GSDMC: variants seen among roughly 807,000 people sequenced by gnomAD.
The protein encoded by GSDMC is gasdermin C.
Under a neutral mutation model 58.0 loss-of-function variants are expected in GSDMC, and 59 were observed. The ratio of observed to expected loss-of-function variants is 1.02; its 90% CI spans 0.82 to 1.26. GSDMC has a LOEUF of 1.26. GSDMC is among the 50% of genes most tolerant of loss of function. The pLI is 0.00. For missense variants in GSDMC, 659 were observed against 598.5 expected (o/e 1.10, Z -1.06); for synonymous variants, 241 against 220.2 (o/e 1.09, Z -0.83).
At chr8:129,747,401 C>T (rs1466904621), downstream of GSDMC, among the ~76,000 whole-genome samples, 1 of 152,018 alleles carries the variant, frequency 6.6e-6, no homozygotes, top group Non-Finnish European at 1.5e-5. Context: ...CATTTTCTTG[C>T]CTTTTTTAGC....
downstream of GSDMC, among the ~76,000 whole-genome samples, chr8:129,743,986 C>T (rs1055345297): frequency 2.0e-5 from 3 of 152,016 alleles, no homozygotes; most frequent in Non-Finnish European, 4.4e-5. Context: ...TTATGCTATA[C>T]ATGCACAAGT....
chr8:129,755,717 TAA>T (rs1324010318), intron 6 of GSDMC, among the ~76,000 whole-genome samples: 1 of 151,974 alleles, frequency 6.6e-6, no homozygotes, highest in African/African-American at 2.4e-5. Flanking sequence ...AGCGGGAAGG[TAA>T]AGTGTAGAGT....
At chr8:129,715,720 C>T in the GSDMC span, among the ~76,000 whole-genome samples, 3,582 of 152,128 alleles carry the variant, frequency 0.024, 153 homozygotes, top group African/African-American at 0.08. Context: ...TGATATCAGA[C>T]GGAAATGTGG....
chr8:129,756,159 A>G (rs140746661), intron 6 of GSDMC, among the ~76,000 whole-genome samples: 22,019 of 150,854 alleles, frequency 0.15, 1,909 homozygotes, highest in Admixed American at 0.19. Context: ...AGGGATGGAA[A>G]AAGATATTCC....
At position 129,751,847 on chromosome 8, in the gene GSDMC, C is replaced by CCA; in HGVS notation, c.916+14_916+15insTG. Reference sequence around the variant, plus strand: ...ATGGGATCCCCACCCCCACCTCCAGCAAACTCACACTCACCTACTGGGAGG... The same window carrying CCA: ...ATGGGATCCCCACCCCCACCTCCAGCCAAAACTCACACTCACCTACTGGGAGG... On this transcript the variant is annotated intron_variant, in intron 9 of 13. Coordinates refer to ENST00000276708, the MANE Select transcript of GSDMC (RefSeq NM_031415.3). 1 of 1,607,890 alleles carries CCA rather than the reference C, an allele frequency of 6.2e-7. No individual in the cohort carries two copies. Among genetic ancestry groups the CCA allele is most frequent in the Non-Finnish European group, 8.5e-7 (1 of 1,174,460 alleles).
At chr8:129,735,596 C>A in the GSDMC span, among the ~76,000 whole-genome samples, 11 of 152,178 alleles carry the variant, frequency 7.2e-5, no homozygotes, top group Admixed American at 6.5e-5. Flanking sequence ...TAAAGATGTT[C>A]TTTGAAACCA....
At chr8:129,711,762 G>A in the GSDMC span, among the ~76,000 whole-genome samples, 7 of 152,182 alleles carry the variant, frequency 4.6e-5, no homozygotes, top group East Asian at 1.9e-4. Context: ...TGTTTTAAAC[G>A]CATCAACTGA....
the GSDMC span, chr8:129,730,023 AG>A: frequency 7.5e-7 from 1 of 1,330,670 alleles, no homozygotes; most frequent in Non-Finnish European, 1.1e-6. Context: ...AAGAAGAAAA[AG>A]GATGAGAAGG....
chr8:129,738,856 A>G, the GSDMC span, among the ~76,000 whole-genome samples: 1 of 152,156 alleles, frequency 6.6e-6, no homozygotes, highest in Non-Finnish European at 1.5e-5. Context: ...AAATGAAGGA[A>G]GAGATAAACA....
intron 7 of GSDMC, 53 bp from the exon 8 acceptor site, chr8:129,752,200 T>A (rs533357635): frequency 7.4e-7 from 1 of 1,357,182 alleles, no homozygotes; most frequent in East Asian, 2.3e-5. Flanking sequence ...TACCCCTACT[T>A]TTCCTCCTCT....
At chr8:129,780,478 A>G (rs1026588382) in intron 1 of GSDMC, among the ~76,000 whole-genome samples, 2 of 152,234 alleles carry the variant, frequency 1.3e-5, no homozygotes, top group African/African-American at 4.8e-5. Flanking sequence ...GCCAAGAGAC[A>G]GTGGCATGAC....
At position 129,759,942 on chromosome 8, in the gene GSDMC, A is replaced by T. The variant is rs149875321; in HGVS notation, c.721+603T>A. 3.6e-4 allele frequency among the ~76,000 whole-genome samples: 55 copies of T among 152,344 alleles called. No individual in the cohort carries two copies. In the South Asian group the frequency reaches 7.5e-3, roughly 21 times the overall value. On this transcript the variant is annotated intron_variant, in intron 6 of 13. Transcript: ENST00000276708. ...ATTGCAACACTGTTCACAATAGTCA[A>T]GATTTGGAAGCAAACTAAATGTCCA...
chr8:129,732,284 T>C, the GSDMC span, among the ~76,000 whole-genome samples: 1 of 127,712 alleles, frequency 7.8e-6, no homozygotes, highest in Non-Finnish European at 1.7e-5. Context: ...CTGTTCTTTA[T>C]AAATTAAAAA....
Position 129,748,434 on chromosome 8 carries a change from A to G in GSDMC, c.*67T>C. On this transcript the variant is annotated 3_prime_UTR_variant, in exon 14 of 14. Coordinates refer to ENST00000276708, the MANE Select transcript of GSDMC (RefSeq NM_031415.3). ...GCACAGCCCTATCTCTTGCACCCAT[A>G]AGGACACTCACAGCATAGACTGGGC... is the stretch of plus-strand genomic sequence containing the variant. 6.7e-7 allele frequency: 1 copy of G among 1,497,474 alleles called. No homozygotes were observed. The highest frequency in any genetic ancestry group is 1.4e-5 in the South Asian group (1 of 73,782). The allele number at this position is 1,497,474 out of a possible 1,614,324, so 92.8% of individuals were successfully genotyped here.
In GSDMC at chr8:129,753,080, A is replaced by G. The variant is rs569511336; in HGVS notation, c.722-260T>C. On this transcript the variant is annotated intron_variant, in intron 6 of 13. Transcript: ENST00000276708. ...GGTCAGTCTAGGACAGAAGGACTGC[A>G]ATGTTTAGGCAATTTCTAATGCTGA... Among the ~76,000 whole-genome samples, 5 of 152,326 alleles carry G rather than the reference A, an allele frequency of 3.3e-5. No homozygotes were observed. In the South Asian group the frequency reaches 1.0e-3, roughly 32 times the overall value.
At chr8:129,708,201 A>G in the GSDMC span, among the ~76,000 whole-genome samples, 1 of 152,234 alleles carries the variant, frequency 6.6e-6, no homozygotes, top group African/African-American at 2.4e-5. Flanking sequence ...TGAGTCATGG[A>G]CAAGCTCATA....
intron 3 of GSDMC, among the ~76,000 whole-genome samples, chr8:129,766,502 T>C (rs2033866294): frequency 6.6e-6 from 1 of 152,204 alleles, no homozygotes; most frequent in South Asian, 2.1e-4. Flanking sequence ...GTAGAGAAGG[T>C]TACTGCGCAC....
At chr8:129,781,973 G>C (rs575137706) in intron 1 of GSDMC, among the ~76,000 whole-genome samples, 34 of 152,262 alleles carry the variant, frequency 2.2e-4, no homozygotes, top group Middle Eastern at 3.4e-3. Context: ...TTAGGTCACA[G>C]AACCAGTCTT....
At chr8:129,777,242 C>T (rs999761647) in intron 2 of GSDMC, 126 bp downstream of exon 2, 8 of 620,674 alleles carry the variant, frequency 1.3e-5, no homozygotes, top group East Asian at 2.7e-5. Context: ...TTGCCCCTTG[C>T]CTATAGGCAA....
Sources: gnomAD v4.1 joint callset for allele counts (sites outside exome capture counted in the v4.1 genomes callset) on GRCh38, gnomAD v4.1.1 for gene constraint, MANE v1.5 for transcripts, NCBI Gene and HGNC (gene_info 2026-07-23, HGNC 2026-07-21) for gene names.